CYP4X1: variants seen among roughly 807,000 people sequenced by gnomAD.
The protein encoded by CYP4X1 is cytochrome P450 4X1.
In CYP4X1, 44 loss-of-function variants were observed where a neutral mutation model predicts 57.9. The ratio of observed to expected loss-of-function variants is 0.76; its 90% confidence interval spans 0.60 to 0.98. The LOEUF (loss-of-function observed/expected upper bound fraction) is 0.98. Among genes scored for constraint, CYP4X1 ranks in the 50% least tolerant of loss-of-function variants. The probability of loss-of-function intolerance (pLI) is 0.00; values close to 1 mark genes in which losing one functional copy is unlikely to be tolerated. For missense variants in CYP4X1, 532 were observed against 623.9 expected, an observed-to-expected ratio of 0.85 and a Z score of 1.57; for synonymous variants, 227 against 228.6, an observed-to-expected ratio of 0.99 and a Z score of 0.06.
chr1:47,053,672 T>C (rs979083025), downstream of CYP4X1, among the ~76,000 whole-genome samples: 2 of 152,248 alleles, frequency 1.3e-5, no homozygotes, highest in Non-Finnish European at 1.5e-5. Context: ...TGGCCAGTGA[T>C]GATGAGCATT....
At chr1:47,022,447 C>T (rs538442737), upstream of CYP4X1, among the ~76,000 whole-genome samples, 105 of 152,130 alleles carry the variant, frequency 6.9e-4, 1 homozygote, top group African/African-American at 2.4e-3. Flanking sequence ...CGCGCCACCA[C>T]GCCCAGCTAA....
the CYP4X1 span, among the ~76,000 whole-genome samples, chr1:46,965,620 T>C: frequency 6.6e-6 from 1 of 152,244 alleles, no homozygotes; most frequent in East Asian, 1.9e-4. Context: ...GGGTACTGAG[T>C]TGTTGCTGGC....
At chr1:47,054,440 T>C (rs1322915065), downstream of CYP4X1, among the ~76,000 whole-genome samples, 1 of 152,022 alleles carries the variant, frequency 6.6e-6, no homozygotes, top group Non-Finnish European at 1.5e-5. Context: ...AAGTAGTTTT[T>C]TCCAATTCTG....
intron 3 of CYP4X1, among the ~76,000 whole-genome samples, chr1:47,032,409 A>C (rs1175964605): frequency 6.6e-6 from 1 of 152,184 alleles, no homozygotes; most frequent in African/African-American, 2.4e-5. Context: ...CTTTGACAAT[A>C]AGGATGAGAC....
the CYP4X1 span, among the ~76,000 whole-genome samples, chr1:46,998,198 G>T: frequency 6.6e-6 from 1 of 151,842 alleles, no homozygotes; most frequent in Non-Finnish European, 1.5e-5. Flanking sequence ...ACCTAGTCTT[G>T]TTCTGTCATC....
the CYP4X1 span, among the ~76,000 whole-genome samples, chr1:47,010,381 C>T: frequency 6.6e-6 from 1 of 152,168 alleles, no homozygotes; most frequent in African/African-American, 2.4e-5. Flanking sequence ...TAAAAACTCT[C>T]AATAAATTAG....
At chr1:47,003,209 T>C in the CYP4X1 span, 4 of 152,336 alleles carry the variant, frequency 2.6e-5, no homozygotes, top group Admixed American at 6.5e-5. Flanking sequence ...GTTCTCATCA[T>C]TGGATTGGAG....
rs1374841324 is a variant in CYP4X1, at chr1:47,035,864, T to C, written c.551T>C (p.Ile184Thr). The C allele has an allele frequency of 1.2e-6, 2 of 1,613,534 alleles. No individual in the cohort carries two copies. Among genetic ancestry groups the C allele is most frequent in the Admixed American group, 3.3e-5 (2 of 59,900 alleles). The stretch of plus-strand genomic sequence containing the variant: ...ACAAGCGTGGAGGTCTATGAGCACA[T>C]CAACTCGATGTCTCTGGATATAATC... ...QDTSVEVYEH[I>T]NSMSLDIIMK... Residue 184 changes from isoleucine (I) to threonine (T), a missense_variant, in exon 5 of 12, where the codon ATC becomes ACC. Coordinates refer to ENST00000371901, the MANE Select transcript of CYP4X1 (RefSeq NM_178033.2).
At chr1:47,037,075 A>G (rs1644191992) in intron 6 of CYP4X1, among the ~76,000 whole-genome samples, 1 of 152,156 alleles carries the variant, frequency 6.6e-6, no homozygotes, top group South Asian at 2.1e-4. Flanking sequence ...TTTCTGCATC[A>G]TTGCACACAC....
the CYP4X1 span, among the ~76,000 whole-genome samples, chr1:46,987,478 G>C: frequency 6.6e-6 from 1 of 152,116 alleles, no homozygotes. Context: ...AGATCAACTA[G>C]ACAGAAAATT....
At chr1:47,039,321 T>C in intron 7 of CYP4X1, 21 bp from the exon 8 acceptor site, 1 of 1,547,926 alleles carries the variant, frequency 6.5e-7, no homozygotes, top group Non-Finnish European at 8.7e-7. Context: ...TTATTTAAAA[T>C]ATTTGTATTG....
At chr1:46,962,309 G>A in the CYP4X1 span, among the ~76,000 whole-genome samples, 1 of 151,998 alleles carries the variant, frequency 6.6e-6, no homozygotes, top group African/African-American at 2.4e-5. Context: ...GTAGAGAAGG[G>A]GTTTCACCAT....
At chr1:46,985,465 C>G in the CYP4X1 span, among the ~76,000 whole-genome samples, 4,530 of 152,300 alleles carry the variant, frequency 0.03, 168 homozygotes, top group African/African-American at 0.087. Flanking sequence ...GTCCCTGCCT[C>G]CTGGCTCTGA....
chr1:47,011,506 T>C, the CYP4X1 span, among the ~76,000 whole-genome samples: 1 of 152,188 alleles, frequency 6.6e-6, no homozygotes, highest in Non-Finnish European at 1.5e-5. Context: ...GGGCAAGGAC[T>C]TTATGACTAA....
At chr1:47,049,126 T>C (rs1486911229) in intron 10 of CYP4X1, among the ~76,000 whole-genome samples, 3 of 152,202 alleles carry the variant, frequency 2.0e-5, no homozygotes, top group Admixed American at 6.5e-5. Context: ...CCAGTTGGAA[T>C]TGAGTTGTGC....
the CYP4X1 span, among the ~76,000 whole-genome samples, chr1:47,010,172 A>G: frequency 1.7e-4 from 26 of 151,104 alleles, no homozygotes; most frequent in Non-Finnish European, 3.5e-4. Context: ...ATAAAATACT[A>G]GCAAACCGAA....
chr1:47,039,282 G>GT (rs1270636985), intron 7 of CYP4X1, 60 bp from the exon 8 acceptor site: 48 of 1,422,102 alleles, frequency 3.4e-5, no homozygotes, highest in Admixed American at 1.4e-4. Flanking sequence ...TATTGTGGTT[G>GT]TATCTCCAAA....
the CYP4X1 span, among the ~76,000 whole-genome samples, chr1:46,985,624 G>A: frequency 6.6e-6 from 1 of 152,158 alleles, no homozygotes; most frequent in Non-Finnish European, 1.5e-5. Context: ...AGCTCCGGCT[G>A]GCATCTGGTG....
At position 47,023,704 on chromosome 1, in the gene CYP4X1, G is replaced by A. The variant is rs375886524; in HGVS notation, c.-114G>A. 103 of 1,450,556 alleles carry A rather than the reference G, an allele frequency of 7.1e-5. 1 individual carries two copies. In the East Asian group the frequency reaches 2.1e-3, roughly 30 times the overall value. 89.9% of individuals were successfully genotyped at this position (1,450,556 alleles called of 1,614,324 possible). On this transcript the variant is annotated 5_prime_UTR_variant, in exon 1 of 12. Coordinates refer to ENST00000371901, the MANE Select transcript of CYP4X1 (RefSeq NM_178033.2). The stretch of plus-strand genomic sequence containing the variant: ...CTTCTTCCCGCGAGTCAGAAGCTTC[G>A]CGAGGGCCCAGAGAGGCGGTGGGGT...
Sources: gnomAD v4.1 joint callset for allele counts (sites outside exome capture counted in the v4.1 genomes callset) on GRCh38, gnomAD v4.1.1 for gene constraint, MANE v1.5 for transcripts, NCBI Gene and HGNC (gene_info 2026-07-23, HGNC 2026-07-21) for gene names.